Variants in KIAA1217 observed in about 807,000 individuals in gnomAD.
The protein encoded by KIAA1217 is KIAA1217.
Under a neutral mutation model 163.9 loss-of-function variants are expected in KIAA1217, and 88 were observed. The ratio of observed to expected loss-of-function variants is 0.54; its 90% confidence interval spans 0.45 to 0.64. The LOEUF (loss-of-function observed/expected upper bound fraction) is 0.64. KIAA1217 is among the 30% of genes least tolerant of loss of function. The pLI, the probability that KIAA1217 is intolerant of heterozygous loss-of-function variation, is 0.00. For missense variants in KIAA1217, 2,372 were observed against 2,475.0 expected, an observed-to-expected ratio of 0.96 and a Z score of 0.88; for synonymous variants, 903 against 923.1, an observed-to-expected ratio of 0.98 and a Z score of 0.39.
chr10:23,903,502 T>A (rs1274211634), intron 1 of KIAA1217, among the ~76,000 whole-genome samples: 4 of 151,782 alleles, frequency 2.6e-5, no homozygotes, highest in African/African-American at 9.7e-5. Context: ...TGATGAAGAG[T>A]GGACAGTCAT....
intron 2 of KIAA1217, among the ~76,000 whole-genome samples, chr10:24,017,040 G>GTTTTTTTTTTTTTTTTTTTTT (rs35042335): frequency 2.3e-5 from 3 of 130,248 alleles, no homozygotes; most frequent in African/African-American, 3.0e-5. Flanking sequence ...TAGTTTTTTT[G>GTTTTTTTTTTTTTTTTTTTTT]TTTTTTTTTT....
At chr10:24,320,268 A>T (rs576326317) in intron 2 of KIAA1217, among the ~76,000 whole-genome samples, 1 of 152,358 alleles carries the variant, frequency 6.6e-6, no homozygotes, top group South Asian at 2.1e-4. Context: ...GTAGAGGAAA[A>T]ATAAATTGGT....
chr10:23,904,402 A>G (rs1842068420), intron 1 of KIAA1217, among the ~76,000 whole-genome samples: 1 of 152,186 alleles, frequency 6.6e-6, no homozygotes, highest in Admixed American at 6.5e-5. Flanking sequence ...TTGCTAACAT[A>G]TATTTGTCGG....
Position 24,546,182 on chromosome 10 carries a change from C to G in KIAA1217, c.5690C>G (p.Pro1897Arg). 2 of 1,614,162 alleles carry G rather than the reference C, an allele frequency of 1.2e-6. No homozygotes were observed. The highest frequency in any genetic ancestry group is 1.1e-5 in the South Asian group (1 of 91,078). ...CCTCCTTTGTCATTTTCCTCCTCCC[C>G]TCCTTCTCCTGCCTCCTCCGTCTCA... ...APPPLSFSSS[P>R]PSPASSVSLN... Residue 1897 changes from proline to arginine, a missense_variant, in exon 21 of 21, where the codon CCT becomes CGT. Physicochemically the swap from Pro to Arg is moderately radical, Grantham distance 103. Coordinates refer to ENST00000376454, the MANE Select transcript of KIAA1217 (RefSeq NM_019590.5).
chr10:24,197,327 C>A lies in KIAA1217; in HGVS notation c.-170-22299C>A, dbSNP rs536133521. On this transcript the variant is annotated intron_variant, in intron 2 of 18. Coordinates refer to the KIAA1217 transcript ENST00000376462. ...TTAATGCCATGTGATGTGCCTGGAG[C>A]CATTTCTGACTTATGGAAAAAAGAT... is the stretch of plus-strand genomic sequence containing the variant. 3.0e-3 allele frequency among the ~76,000 whole-genome samples: 452 copies of A among 152,234 alleles called. 3 individuals carry two copies. The highest frequency in any genetic ancestry group is 5.1e-3 in the Non-Finnish European group (345 of 68,020).
At chr10:24,010,929 T>G (rs1847213235) in intron 2 of KIAA1217, among the ~76,000 whole-genome samples, 1 of 152,010 alleles carries the variant, frequency 6.6e-6, no homozygotes, top group Admixed American at 6.6e-5. Flanking sequence ...AAATAATAAA[T>G]CTACAGCAAC....
rs531139849 is a variant in KIAA1217, at chr10:23,747,640, A to G, written c.-321+52406A>G. The stretch of plus-strand genomic sequence containing the variant: ...TAGATCCCAGAGGGAGCATTCATAA[A>G]TAGTGGAGGAAATGATGAAAATGAA... On this transcript the variant is annotated intron_variant, in intron 1 of 18. Transcript: ENST00000376462. Among the ~76,000 whole-genome samples, 4 of 152,340 alleles carry G rather than the reference A, an allele frequency of 2.6e-5. No homozygotes were observed. The South Asian group carries it at 8.3e-4, about 32-fold the overall frequency.
chr10:23,891,958 G>A (rs187101028), intron 1 of KIAA1217, among the ~76,000 whole-genome samples: 6 of 151,914 alleles, frequency 3.9e-5, no homozygotes, highest in Admixed American at 2.6e-4. Context: ...ATCTCTGAAG[G>A]TTATTAGTAT....
At chr10:24,320,831 C>T (rs990915599) in intron 2 of KIAA1217, among the ~76,000 whole-genome samples, 1 of 151,818 alleles carries the variant, frequency 6.6e-6, no homozygotes, top group Non-Finnish European at 1.5e-5. Flanking sequence ...ATCACGAGGT[C>T]GGGAGATCGA....
At chr10:23,893,543 G>A (rs1375937382) in intron 1 of KIAA1217, among the ~76,000 whole-genome samples, 1 of 151,928 alleles carries the variant, frequency 6.6e-6, no homozygotes. Flanking sequence ...GCTTTTGGAT[G>A]TGTTTGCTCT....
chr10:24,310,612 C>T (rs936770565), intron 2 of KIAA1217, among the ~76,000 whole-genome samples: 35 of 152,202 alleles, frequency 2.3e-4, no homozygotes, highest in African/African-American at 8.0e-4. Context: ...TAAGCAAGAT[C>T]AACAGAACCC....
At chr10:24,461,326 TTTTTTGTTTTTG>T (rs976740905) in intron 5 of KIAA1217, among the ~76,000 whole-genome samples, 7 of 152,080 alleles carry the variant, frequency 4.6e-5, no homozygotes, top group Admixed American at 3.9e-4. Context: ...ATAACATTCT[TTTTTTGTTTTTG>T]TTTTTGTTTT....
chr10:23,975,154 A>G (rs954409328), intron 1 of KIAA1217, among the ~76,000 whole-genome samples: 2 of 152,128 alleles, frequency 1.3e-5, no homozygotes, highest in African/African-American at 2.4e-5. Context: ...TGTATTTTCA[A>G]TTTAGAAACA....
chr10:24,098,724 C>CGCGTGTGT (rs373969607), intron 2 of KIAA1217, among the ~76,000 whole-genome samples: 1 of 139,278 alleles, frequency 7.2e-6, no homozygotes, highest in African/African-American at 2.7e-5. Flanking sequence ...TGAAGGGGAG[C>CGCGTGTGT]GTGTGTGTGT....
intron 2 of KIAA1217, among the ~76,000 whole-genome samples, chr10:24,334,212 A>G (rs2046042366): frequency 6.6e-6 from 1 of 152,186 alleles, no homozygotes; most frequent in Admixed American, 6.5e-5. Context: ...CAAGATTAGT[A>G]TTAGTTTTGG....
intron 1 of KIAA1217, among the ~76,000 whole-genome samples, chr10:23,983,551 A>T (rs887221790): frequency 6.6e-6 from 1 of 152,150 alleles, no homozygotes; most frequent in South Asian, 2.1e-4. Context: ...GAACTCACCC[A>T]TTATAAAGTA....
chr10:23,777,564 G>A (rs1046689758), intron 1 of KIAA1217, among the ~76,000 whole-genome samples: 1 of 152,140 alleles, frequency 6.6e-6, no homozygotes, highest in African/African-American at 2.4e-5. Context: ...TTAGGTTACA[G>A]GTCTCTGCTT....
At chr10:24,385,619 A>G (rs2053897346) in intron 3 of KIAA1217, among the ~76,000 whole-genome samples, 1 of 152,220 alleles carries the variant, frequency 6.6e-6, no homozygotes, top group Non-Finnish European at 1.5e-5. Flanking sequence ...TCCCAACGCC[A>G]GGTTCCAACA....
intron 1 of KIAA1217, among the ~76,000 whole-genome samples, chr10:23,895,399 C>CTTGT (rs2131226806): frequency 6.6e-6 from 1 of 152,198 alleles, no homozygotes; most frequent in East Asian, 1.9e-4. Context: ...AAAATGCTCA[C>CTTGT]CATCACTGGC....
Sources: allele counts gnomAD v4.1 joint callset (sites outside exome capture counted in the v4.1 genomes callset), GRCh38; gene constraint gnomAD v4.1.1; transcripts MANE v1.5; gene names NCBI Gene and HGNC (gene_info 2026-07-23, HGNC 2026-07-21).